Variants in MIPOL1 observed in about 807,000 individuals in gnomAD.
MIPOL1 encodes the protein mirror-image polydactyly gene 1 protein.
MIPOL1 carries 57 observed loss-of-function variants against 60.9 expected under a neutral mutation model. The ratio of observed to expected loss-of-function variants is 0.94; its 90% CI spans 0.76 to 1.17. The LOEUF (loss-of-function observed/expected upper bound fraction) is 1.17, where lower values mean the gene tolerates loss of function less well. Among genes scored for constraint, MIPOL1 ranks in the 50% most tolerant of loss-of-function variants. MIPOL1 has a pLI of 0.00. For missense variants in MIPOL1, 551 were observed against 511.6 expected (o/e 1.08, Z -0.74); for synonymous variants, 179 against 168.8 (o/e 1.06, Z -0.47).
chr14:37,345,993 G>C lies in MIPOL1; in HGVS notation c.829-23524G>C, dbSNP rs533604380. On this transcript the variant is annotated intron_variant, in intron 9 of 12. Transcript: ENST00000684589. ...GGGACACATATCTTCTCTAGCATTT[G>C]TCCTGTCTCTTTTTATTTGTCAAAG... is the stretch of plus-strand genomic sequence containing the variant. 1.9e-4 allele frequency among the ~76,000 whole-genome samples: 29 copies of C among 152,216 alleles called. 1 individual carries two copies. The highest frequency in any genetic ancestry group is 6.7e-4 in the African/African-American group (28 of 41,522).
At chr14:37,512,268 C>T (rs1222815178) in intron 12 of MIPOL1, among the ~76,000 whole-genome samples, 1 of 117,216 alleles carries the variant, frequency 8.5e-6, no homozygotes, top group Non-Finnish European at 1.7e-5. Context: ...GAATTCTCAG[C>T]CTGGTTTTCC....
chr14:37,551,921 G>C (rs979090431), downstream of MIPOL1: 6 of 139,082 alleles, frequency 4.3e-5, no homozygotes, highest in Non-Finnish European at 9.4e-5. Context: ...AATAATAATA[G>C]ACTGACTCAA....
At chr14:37,248,545 CAAG>C (rs1016576897) in intron 3 of MIPOL1, among the ~76,000 whole-genome samples, 5 of 151,870 alleles carry the variant, frequency 3.3e-5, no homozygotes, top group Middle Eastern at 6.8e-3. Flanking sequence ...TACATACAGA[CAAG>C]AGACACATAT....
chr14:37,437,752 TATC>T (rs1423087881), intron 11 of MIPOL1, among the ~76,000 whole-genome samples: 3 of 152,166 alleles, frequency 2.0e-5, no homozygotes, highest in Admixed American at 6.6e-5. Context: ...ACCTGCCTCA[TATC>T]ATTGTTTTAG....
chr14:37,297,005 AAG>A (rs2085789308), intron 7 of MIPOL1, among the ~76,000 whole-genome samples: 1 of 152,324 alleles, frequency 6.6e-6, no homozygotes, highest in Admixed American at 6.5e-5. Context: ...ACAACAAAAA[AAG>A]AGAATTTTAG....
At chr14:37,266,096 C>G (rs1391605660) in intron 3 of MIPOL1, among the ~76,000 whole-genome samples, 1 of 152,126 alleles carries the variant, frequency 6.6e-6, no homozygotes, top group African/African-American at 2.4e-5. Context: ...GGGATCAACA[C>G]AGAGTCTTCT....
chr14:37,368,194 T>C (rs1208738691), intron 9 of MIPOL1, among the ~76,000 whole-genome samples: 2 of 152,090 alleles, frequency 1.3e-5, no homozygotes, highest in Non-Finnish European at 1.5e-5. Context: ...TGCCTTGATA[T>C]TATGGTTATT....
intron 7 of MIPOL1, among the ~76,000 whole-genome samples, chr14:37,302,435 G>A (rs8019584): frequency 0.97 from 145,642 of 150,846 alleles, 70,254 homozygotes; most frequent in East Asian, 1. Context: ...GGTATTTGAT[G>A]GTTTTTCAAA....
chr14:37,320,271 A>G (rs954581409), intron 9 of MIPOL1, among the ~76,000 whole-genome samples: 24 of 152,166 alleles, frequency 1.6e-4, no homozygotes, highest in African/African-American at 5.8e-4. Context: ...TACAGCAGCA[A>G]TGTAAGTGAG....
chr14:37,313,683 G>A (rs1316401575), intron 9 of MIPOL1, among the ~76,000 whole-genome samples: 5 of 152,146 alleles, frequency 3.3e-5, no homozygotes, highest in Admixed American at 6.6e-5. Context: ...GTACATGCGT[G>A]TTTGGACTCT....
chr14:37,330,335 A>G (rs1246186289), intron 9 of MIPOL1, among the ~76,000 whole-genome samples: 1 of 152,160 alleles, frequency 6.6e-6, no homozygotes, highest in Admixed American at 6.5e-5. Context: ...TTCAGCTACT[A>G]TAATTGTAAT....
At chr14:37,477,495 T>C (rs1432920595) in intron 11 of MIPOL1, among the ~76,000 whole-genome samples, 1 of 152,174 alleles carries the variant, frequency 6.6e-6, no homozygotes, top group South Asian at 2.1e-4. Context: ...GTTATTAAAT[T>C]TACAGGCATG....
intron 11 of MIPOL1, among the ~76,000 whole-genome samples, chr14:37,496,641 GAAATAAAA>G (rs1275616296): frequency 6.6e-6 from 1 of 151,002 alleles, no homozygotes; most frequent in Non-Finnish European, 1.5e-5. Context: ...ACTGCTCAAT[GAAATAAAA>G]GAGGATACAA....
At chr14:37,471,403 G>C (rs1377350820) in intron 11 of MIPOL1, among the ~76,000 whole-genome samples, 1 of 152,110 alleles carries the variant, frequency 6.6e-6, no homozygotes, top group Non-Finnish European at 1.5e-5. Flanking sequence ...TCCCGGATTT[G>C]AGCCTCAGTA....
intron 6 of MIPOL1, among the ~76,000 whole-genome samples, chr14:37,273,752 C>T (rs889985472): frequency 2.0e-5 from 3 of 151,208 alleles, no homozygotes; most frequent in Non-Finnish European, 4.4e-5. Flanking sequence ...GATTCTCTAC[C>T]GTTGGGCACG....
intron 12 of MIPOL1, among the ~76,000 whole-genome samples, chr14:37,539,310 G>A (rs1014220510): frequency 1.2e-4 from 19 of 152,214 alleles, no homozygotes; most frequent in Non-Finnish European, 8.8e-5. Flanking sequence ...GATTTATTCT[G>A]ATATGGAAAT....
At chr14:37,452,140 G>T (rs887492477) in intron 11 of MIPOL1, among the ~76,000 whole-genome samples, 15 of 152,132 alleles carry the variant, frequency 9.9e-5, no homozygotes, top group African/African-American at 3.6e-4. Flanking sequence ...CCTAGCACTT[G>T]ACCATTAAAG....
chr14:37,260,842 A>T (rs943028801), intron 3 of MIPOL1, among the ~76,000 whole-genome samples: 2 of 152,138 alleles, frequency 1.3e-5, no homozygotes, highest in East Asian at 3.9e-4. Context: ...TCTCAGGAAG[A>T]TAGGAGCCTG....
intron 10 of MIPOL1, among the ~76,000 whole-genome samples, chr14:37,399,596 C>T (rs1435623764): frequency 6.6e-6 from 1 of 152,040 alleles, no homozygotes; most frequent in East Asian, 1.9e-4. Flanking sequence ...TGATACAAAG[C>T]ACAATAGTTA....
Sources: allele counts gnomAD v4.1 joint callset (sites outside exome capture counted in the v4.1 genomes callset), GRCh38; gene constraint gnomAD v4.1.1; transcripts MANE v1.5; gene names NCBI Gene and HGNC (gene_info 2026-07-23, HGNC 2026-07-21).